ARHGAP5: variants seen among roughly 807,000 people sequenced by gnomAD.
ARHGAP5 encodes the protein rho GTPase-activating protein 5.
In ARHGAP5, 23 loss-of-function variants were observed where a neutral mutation model predicts 116.6. That is an observed-to-expected ratio of 0.20 (90% CI 0.14 to 0.28). ARHGAP5 has a LOEUF of 0.28. Ranked by LOEUF, ARHGAP5 falls within the 10% of genes least tolerant of loss-of-function variation. The pLI is 1.00. For synonymous variants in ARHGAP5, 574 were observed against 602.0 expected (o/e 0.95, Z 0.68); for missense variants, 1,405 against 1,774.8 (o/e 0.79, Z 3.74).
At position 32,091,213 on chromosome 14, in the gene ARHGAP5, A is replaced by G. The variant is rs541711088; in HGVS notation, c.544A>G (p.Asn182Asp). The G allele has an allele frequency of 6.2e-7, 1 of 1,613,324 alleles. No individual in the cohort carries two copies. The highest frequency in any genetic ancestry group is 8.5e-7 in the Non-Finnish European group (1 of 1,179,568). The change falls in exon 2 of 7, where the codon AAC becomes GAC. Residue 182 changes from asparagine to aspartate, a missense_variant. Transcript: ENST00000345122. Reference protein sequence around the residue: ...KFDDQLKFVNNLFVQLSKSKK... With the variant: ...KFDDQLKFVNDLFVQLSKSKK... ...TGATGATCAACTTAAATTTGTGAATAACCTTTTTGTCCAGTTATCAAAATC... is the reference window on the plus strand; with the variant it reads ...TGATGATCAACTTAAATTTGTGAATGACCTTTTTGTCCAGTTATCAAAATC...
chr14:32,124,351 AG>A (rs2139086019), intron 3 of ARHGAP5, among the ~76,000 whole-genome samples: 1 of 152,292 alleles, frequency 6.6e-6, no homozygotes, highest in South Asian at 2.1e-4. Context: ...TTTCCACAGC[AG>A]TTAACCAGGG....
chr14:32,146,982 A>G (rs929299341), intron 4 of ARHGAP5, among the ~76,000 whole-genome samples: 1 of 152,230 alleles, frequency 6.6e-6, no homozygotes, highest in Non-Finnish European at 1.5e-5. Flanking sequence ...AATACATTAA[A>G]CTATCTCACA....
intron 3 of ARHGAP5, among the ~76,000 whole-genome samples, chr14:32,137,413 A>G (rs1044682841): frequency 2.0e-5 from 3 of 151,688 alleles, no homozygotes; most frequent in Non-Finnish European, 4.4e-5. Context: ...TCTCAGTTCT[A>G]TTCCATTGAT....
At chr14:32,107,612 TGTGGAGA>T (rs1187388117) in intron 2 of ARHGAP5, among the ~76,000 whole-genome samples, 1 of 152,176 alleles carries the variant, frequency 6.6e-6, no homozygotes, top group Non-Finnish European at 1.5e-5. Flanking sequence ...ATATATTTGC[TGTGGAGA>T]GTAAAGGAAA....
intron 3 of ARHGAP5, among the ~76,000 whole-genome samples, chr14:32,123,796 T>A (rs1446014830): frequency 6.6e-6 from 1 of 152,168 alleles, no homozygotes; most frequent in African/African-American, 2.4e-5. Flanking sequence ...TTTGGTCCTT[T>A]CTAAGATGGA....
intron 2 of ARHGAP5, among the ~76,000 whole-genome samples, chr14:32,105,732 A>G (rs1878986849): frequency 6.6e-6 from 1 of 152,196 alleles, no homozygotes; most frequent in Admixed American, 6.5e-5. Context: ...TCCATCCACT[A>G]GCAAATTAAC....
intron 6 of ARHGAP5, among the ~76,000 whole-genome samples, chr14:32,153,449 T>C (rs886080062): frequency 3.9e-5 from 4 of 101,290 alleles, no homozygotes; most frequent in African/African-American, 7.1e-5. Context: ...AAAAAAAAGA[T>C]TGTTTTATGG....
chr14:32,114,885 T>C (rs1385482803), intron 2 of ARHGAP5, among the ~76,000 whole-genome samples: 1 of 152,232 alleles, frequency 6.6e-6, no homozygotes, highest in Non-Finnish European at 1.5e-5. Context: ...CCTGTGCGCC[T>C]TCCCCTGCCC....
chr14:32,100,295 G>A (rs1878732241), intron 2 of ARHGAP5, among the ~76,000 whole-genome samples: 1 of 152,150 alleles, frequency 6.6e-6, no homozygotes, highest in Non-Finnish European at 1.5e-5. Context: ...AGACCCCTGG[G>A]TTCAAGTGAT....
chr14:32,140,067 T>TC (rs1491131546), intron 3 of ARHGAP5, among the ~76,000 whole-genome samples: 97 of 112,462 alleles, frequency 8.6e-4, no homozygotes, highest in African/African-American at 2.5e-3. Context: ...TTTCTCTCTC[T>TC]TTTTTTTTTT....
chr14:32,148,160 A>AG (rs1881468399), intron 4 of ARHGAP5, among the ~76,000 whole-genome samples: 1 of 147,420 alleles, frequency 6.8e-6, no homozygotes, highest in Non-Finnish European at 1.5e-5. Flanking sequence ...CTCAAAAAAA[A>AG]GAAATCTATC....
chr14:32,120,747 AAG>A (rs1401923248), intron 3 of ARHGAP5, among the ~76,000 whole-genome samples: 2 of 151,948 alleles, frequency 1.3e-5, no homozygotes, highest in African/African-American at 4.8e-5. Context: ...AAGTTTATTG[AAG>A]AGTTTAATGA....
chr14:32,152,799 A>T (rs976200426), intron 6 of ARHGAP5, among the ~76,000 whole-genome samples: 12 of 152,204 alleles, frequency 7.9e-5, no homozygotes, highest in African/African-American at 2.9e-4. Flanking sequence ...TGACACTCAG[A>T]TAACTAACCA....
At chr14:32,082,196 T>A (rs1484037027) in intron 1 of ARHGAP5, among the ~76,000 whole-genome samples, 1 of 152,210 alleles carries the variant, frequency 6.6e-6, no homozygotes, top group Non-Finnish European at 1.5e-5. Context: ...ACCCCTGATC[T>A]AGAGAATTTA....
intron 3 of ARHGAP5, among the ~76,000 whole-genome samples, chr14:32,133,341 G>A (rs1239071369): frequency 6.6e-6 from 1 of 152,086 alleles, no homozygotes; most frequent in Non-Finnish European, 1.5e-5. Flanking sequence ...TATTCTCTTT[G>A]AAGCAATTGT....
At chr14:32,137,512 G>A (rs545467441) in intron 3 of ARHGAP5, among the ~76,000 whole-genome samples, 3 of 151,698 alleles carry the variant, frequency 2.0e-5, no homozygotes, top group South Asian at 2.1e-4. Context: ...AGAGTTCTTC[G>A]GTTTTTTCTT....
chr14:32,081,543 C>T (rs1290432582), intron 1 of ARHGAP5, among the ~76,000 whole-genome samples: 3 of 126,414 alleles, frequency 2.4e-5, no homozygotes, highest in African/African-American at 9.7e-5. Context: ...AGCAAGACTC[C>T]TTCTCAAAAA....
chr14:32,124,439 A>G (rs145875824), intron 3 of ARHGAP5, among the ~76,000 whole-genome samples: 1 of 152,310 alleles, frequency 6.6e-6, no homozygotes, highest in Admixed American at 6.5e-5. Context: ...CAGTTGGGAA[A>G]TGACCCTTGA....
chr14:32,141,180 G>A (rs745437566), intron 3 of ARHGAP5, among the ~76,000 whole-genome samples: 21 of 151,914 alleles, frequency 1.4e-4, no homozygotes, highest in Non-Finnish European at 1.5e-4. Flanking sequence ...ATCCTTTTAC[G>A]TTCAACATAT....
Sources: allele counts gnomAD v4.1 joint callset (sites outside exome capture counted in the v4.1 genomes callset), GRCh38; gene constraint gnomAD v4.1.1; transcripts MANE v1.5; gene names NCBI Gene and HGNC (gene_info 2026-07-23, HGNC 2026-07-21).